Variants in FBXL7 observed in about 807,000 individuals in gnomAD.
The protein encoded by FBXL7 is F-box and leucine rich repeat protein 7.
FBXL7 carries 12 observed loss-of-function variants against 38.3 expected under a neutral mutation model. That is an observed-to-expected ratio of 0.31 (90% confidence interval 0.20 to 0.51). FBXL7 has a LOEUF of 0.51. FBXL7 is among the 20% of genes least tolerant of loss of function. The probability of loss-of-function intolerance (pLI) is 0.98; values close to 1 mark genes in which losing one functional copy is unlikely to be tolerated. For synonymous variants in FBXL7, 297 were observed against 300.9 expected (o/e 0.99, Z 0.13); for missense variants, 567 against 676.4 (o/e 0.84, Z 1.79).
At chr5:15,808,754 A>T (rs558221630) in intron 2 of FBXL7, among the ~76,000 whole-genome samples, 2 of 152,216 alleles carry the variant, frequency 1.3e-5, no homozygotes, top group Non-Finnish European at 2.9e-5. Flanking sequence ...CTAGACTGCC[A>T]GTGCTTGCAC....
chr5:15,797,370 T>A (rs2126737415), intron 2 of FBXL7, among the ~76,000 whole-genome samples: 1 of 152,354 alleles, frequency 6.6e-6, no homozygotes, highest in East Asian at 1.9e-4. Flanking sequence ...GACACCTGTT[T>A]CTGCCTGTGG....
intron 2 of FBXL7, among the ~76,000 whole-genome samples, chr5:15,838,212 T>A (rs1738641565): frequency 6.6e-6 from 1 of 152,180 alleles, no homozygotes; most frequent in Non-Finnish European, 1.5e-5. Flanking sequence ...AAGTGCCATA[T>A]AAGCCACAAG....
chr5:15,846,095 A>T (rs569856512), intron 2 of FBXL7, among the ~76,000 whole-genome samples: 3 of 152,402 alleles, frequency 2.0e-5, no homozygotes, highest in Non-Finnish European at 4.4e-5. Flanking sequence ...CATTCTGGAC[A>T]TTTTTAAATG....
chr5:15,838,898 T>C (rs1359496653), intron 2 of FBXL7, among the ~76,000 whole-genome samples: 4 of 152,226 alleles, frequency 2.6e-5, no homozygotes, highest in Non-Finnish European at 5.9e-5. Flanking sequence ...ACATTATATT[T>C]TGCCCTAAAT....
chr5:15,740,421 T>C (rs1478125781), intron 2 of FBXL7, among the ~76,000 whole-genome samples: 1 of 152,208 alleles, frequency 6.6e-6, no homozygotes, highest in Non-Finnish European at 1.5e-5. Flanking sequence ...ATGTTACAAA[T>C]GAACTATCTT....
At chr5:15,617,158 G>C (rs1318662804) in intron 2 of FBXL7, among the ~76,000 whole-genome samples, 1 of 152,130 alleles carries the variant, frequency 6.6e-6, no homozygotes, top group South Asian at 2.1e-4. Context: ...GTCTTAGTGT[G>C]CTTCAAGTAG....
chr5:15,693,174 G>A (rs1477094698), intron 2 of FBXL7, among the ~76,000 whole-genome samples: 1 of 152,082 alleles, frequency 6.6e-6, no homozygotes, highest in Non-Finnish European at 1.5e-5. Context: ...GTCTTACTTT[G>A]GCAAGTGACT....
intron 1 of FBXL7, among the ~76,000 whole-genome samples, chr5:15,574,003 C>T (rs1450050219): frequency 6.6e-6 from 1 of 152,144 alleles, no homozygotes; most frequent in African/African-American, 2.4e-5. Context: ...CAGAACAAAA[C>T]CCCTAAGTTC....
intron 2 of FBXL7, among the ~76,000 whole-genome samples, chr5:15,874,905 A>G (rs575440309): frequency 6.6e-6 from 1 of 152,366 alleles, no homozygotes; most frequent in East Asian, 1.9e-4. Flanking sequence ...CAGAATTAGA[A>G]AAACCTACTT....
chr5:15,889,136 A>AAT (rs1252658759), intron 2 of FBXL7, among the ~76,000 whole-genome samples: 1 of 152,162 alleles, frequency 6.6e-6, no homozygotes, highest in Non-Finnish European at 1.5e-5. Flanking sequence ...AGAGACAAGG[A>AAT]ATGGTATAAT....
intron 2 of FBXL7, among the ~76,000 whole-genome samples, chr5:15,788,477 G>C (rs1036310862): frequency 6.6e-6 from 1 of 152,144 alleles, no homozygotes; most frequent in East Asian, 1.9e-4. Flanking sequence ...AAAGAGAAAA[G>C]AAGCATCTCA....
Position 15,500,500 on chromosome 5 carries a change from G to T in FBXL7, c.-177G>T. The T allele has an allele frequency of 1.2e-6, 1 of 800,858 alleles. No homozygotes were observed. Among genetic ancestry groups the T allele is most frequent in the South Asian group, 1.4e-5 (1 of 70,050 alleles). 49.6% of individuals were successfully genotyped at this position (800,858 alleles called of 1,614,324 possible). On this transcript the variant is annotated 5_prime_UTR_variant, in exon 1 of 4. Transcript: ENST00000504595. ...GCCACCGGGGGTGCCAGGAGGGGACGCAGCACCCCCTCCCACTGGAGTGCG... is the reference window on the plus strand; with the variant it reads ...GCCACCGGGGGTGCCAGGAGGGGACTCAGCACCCCCTCCCACTGGAGTGCG...
rs567493780 is a variant in FBXL7, at chr5:15,901,747, C to T, written c.128-26143C>T. Among the ~76,000 whole-genome samples the T allele has an allele frequency of 2.6e-5, 4 of 152,288 alleles. No homozygotes were observed. In the East Asian group the frequency reaches 5.8e-4, roughly 22 times the overall value. On this transcript the variant is annotated intron_variant, in intron 2 of 3. Coordinates refer to ENST00000504595, the MANE Select transcript of FBXL7 (RefSeq NM_012304.5). ...AAAGATTTTTGATTCATACATAGCACAGTGCACTAAATACTCATTCATGAG... is the reference window on the plus strand; with the variant it reads ...AAAGATTTTTGATTCATACATAGCATAGTGCACTAAATACTCATTCATGAG...
intron 2 of FBXL7, among the ~76,000 whole-genome samples, chr5:15,817,320 G>A (rs900345210): frequency 1.3e-5 from 2 of 151,580 alleles, no homozygotes; most frequent in African/African-American, 2.4e-5. Flanking sequence ...TTTAAAAAAG[G>A]CAATGATATT....
At chr5:15,528,362 C>T (rs1288289700) in intron 1 of FBXL7, among the ~76,000 whole-genome samples, 1 of 152,144 alleles carries the variant, frequency 6.6e-6, no homozygotes, top group East Asian at 1.9e-4. Context: ...TCTTACCTTT[C>T]CTCACATCTT....
chr5:15,860,732 G>A (rs776813719), intron 2 of FBXL7, among the ~76,000 whole-genome samples: 3 of 152,084 alleles, frequency 2.0e-5, no homozygotes, highest in Non-Finnish European at 4.4e-5. Context: ...GATACTTAGG[G>A]GTGATATGGT....
intron 2 of FBXL7, among the ~76,000 whole-genome samples, chr5:15,748,668 A>G (rs1198547277): frequency 6.6e-6 from 1 of 152,204 alleles, no homozygotes; most frequent in African/African-American, 2.4e-5. Flanking sequence ...CTTTATTAGC[A>G]GCATGAGAAC....
chr5:15,583,357 C>T (rs1176759623), intron 1 of FBXL7, among the ~76,000 whole-genome samples: 3 of 152,146 alleles, frequency 2.0e-5, no homozygotes, highest in Non-Finnish European at 4.4e-5. Flanking sequence ...CAACATTCCC[C>T]CAAAGTCTTA....
chr5:15,803,934 A>G (rs1353088834), intron 2 of FBXL7, among the ~76,000 whole-genome samples: 3 of 152,082 alleles, frequency 2.0e-5, no homozygotes, highest in Admixed American at 2.0e-4. Context: ...AACACTCCAT[A>G]CAGGTCCTTT....
Sources: allele counts gnomAD v4.1 joint callset (sites outside exome capture counted in the v4.1 genomes callset), GRCh38; gene constraint gnomAD v4.1.1; transcripts MANE v1.5; gene names NCBI Gene and HGNC (gene_info 2026-07-23, HGNC 2026-07-21).